FAT3: variants seen among roughly 807,000 people sequenced by gnomAD.
FAT3 encodes protocadherin Fat 3.
Under a neutral mutation model 310.2 loss-of-function variants are expected in FAT3, and 95 were observed. The ratio of observed to expected loss-of-function variants is 0.31; its 90% CI spans 0.26 to 0.36. The LOEUF (loss-of-function observed/expected upper bound fraction) is 0.36, where lower values mean the gene tolerates loss of function less well. Ranked by LOEUF, FAT3 falls within the 10% of genes least tolerant of loss-of-function variation. FAT3 has a pLI of 1.00. For synonymous variants in FAT3, 2,314 were observed against 2,192.9 expected (o/e 1.06, Z -1.54); for missense variants, 5,408 against 5,715.6 (o/e 0.95, Z 1.74).
At chr11:92,793,707 C>G (rs1163271908) in intron 9 of FAT3, among the ~76,000 whole-genome samples, 2 of 152,130 alleles carry the variant, frequency 1.3e-5, no homozygotes, top group African/African-American at 4.8e-5. Flanking sequence ...TGTTCTCCTC[C>G]CCATTCCATC....
chr11:92,504,119 A>G (rs17600259), intron 2 of FAT3, among the ~76,000 whole-genome samples: 12,575 of 152,208 alleles, frequency 0.083, 598 homozygotes, highest in African/African-American at 0.13. Flanking sequence ...TTTTCATTTT[A>G]GAGCAGCCAT....
intron 2 of FAT3, among the ~76,000 whole-genome samples, chr11:92,373,645 C>T (rs1234012140): frequency 6.6e-6 from 1 of 151,904 alleles, no homozygotes; most frequent in East Asian, 1.9e-4. Context: ...TGAACTCCTA[C>T]AGTATTCTAG....
chr11:92,821,216 CT>C (rs1947960534), intron 13 of FAT3, among the ~76,000 whole-genome samples: 1 of 152,200 alleles, frequency 6.6e-6, no homozygotes, highest in Non-Finnish European at 1.5e-5. Context: ...GACAAAGAGA[CT>C]TTCCCAAGAT....
chr11:92,496,399 T>C (rs1263560965), intron 2 of FAT3, among the ~76,000 whole-genome samples: 1 of 152,038 alleles, frequency 6.6e-6, no homozygotes, highest in African/African-American at 2.4e-5. Context: ...CCACACTTTT[T>C]ATTGCTTCTT....
intron 3 of FAT3, among the ~76,000 whole-genome samples, chr11:92,639,196 A>C (rs1398600643): frequency 6.6e-6 from 1 of 152,178 alleles, no homozygotes; most frequent in African/African-American, 2.4e-5. Context: ...GATGGATGGG[A>C]GATTAATGAG....
In FAT3 at chr11:92,377,681, C is replaced by T. The variant is rs920547784; in HGVS notation, c.3292+22277C>T. ...TTCCTTATTTCTGCCTGATTGTAGG[C>T]TCCTTGAAGGCAGGATTTATTTCTG... On this transcript the variant is annotated intron_variant, in intron 2 of 27. Transcript: ENST00000525166. Among the ~76,000 whole-genome samples the T allele has an allele frequency of 1.7e-4, 26 of 152,214 alleles. 1 individual carries two copies. The highest frequency in any genetic ancestry group is 7.7e-4 in the East Asian group (4 of 5,170).
chr11:92,549,349 T>C (rs1260429651), intron 3 of FAT3, among the ~76,000 whole-genome samples: 3 of 152,224 alleles, frequency 2.0e-5, no homozygotes, highest in Non-Finnish European at 4.4e-5. Flanking sequence ...TGTTTTCTGC[T>C]GCTTTAATCA....
chr11:92,696,014 A>G (rs1337677289), intron 3 of FAT3, among the ~76,000 whole-genome samples: 2 of 152,198 alleles, frequency 1.3e-5, no homozygotes, highest in African/African-American at 4.8e-5. Context: ...CTCACCACAA[A>G]AAAATGATAA....
intron 5 of FAT3, among the ~76,000 whole-genome samples, chr11:92,762,494 G>C (rs985078018): frequency 6.6e-6 from 1 of 152,064 alleles, no homozygotes; most frequent in African/African-American, 2.4e-5. Context: ...GCAAACTAGC[G>C]GTAGGGGAAC....
At chr11:92,333,734 AT>A (rs35671347) in intron 1 of FAT3, among the ~76,000 whole-genome samples, 22,516 of 147,976 alleles carry the variant, frequency 0.15, 1,709 homozygotes, top group Middle Eastern at 0.18. Flanking sequence ...CCTTAAAAGT[AT>A]TTTTTTTTTT....
chr11:92,714,884 C>G (rs1030728867), intron 4 of FAT3, among the ~76,000 whole-genome samples: 1 of 151,882 alleles, frequency 6.6e-6, no homozygotes, highest in Non-Finnish European at 1.5e-5. Context: ...AAGGGAAATA[C>G]CAAATTGTTC....
At chr11:92,371,978 T>A (rs562807402) in intron 2 of FAT3, among the ~76,000 whole-genome samples, 1 of 152,310 alleles carries the variant, frequency 6.6e-6, no homozygotes, top group East Asian at 1.9e-4. Flanking sequence ...GTTTTTAAGT[T>A]GGTCACAGCT....
In FAT3 at chr11:92,453,546, A is replaced by C. The variant is rs149058616; in HGVS notation, c.3293-71088A>C. Among the ~76,000 whole-genome samples, 1,084 of 152,306 alleles carry C rather than the reference A, an allele frequency of 7.1e-3. 20 individuals carry two copies. Among genetic ancestry groups the C allele is most frequent in the African/African-American group, 0.025 (1,040 of 41,570 alleles). On this transcript the variant is annotated intron_variant, in intron 2 of 27. Coordinates refer to ENST00000525166, the MANE Select transcript of FAT3 (RefSeq NM_001367949.2). ...CACGTGGGATCAAATGAGTCTAAGA[A>C]TCAATGACCACTTTATTTTTTCTTT... is the stretch of plus-strand genomic sequence containing the variant.
intron 1 of FAT3, among the ~76,000 whole-genome samples, chr11:92,240,538 T>G (rs1864631500): frequency 6.7e-6 from 1 of 150,270 alleles, no homozygotes; most frequent in Admixed American, 6.7e-5. Context: ...ATAGTAATAC[T>G]TGCAAGCACA....
intron 2 of FAT3, chr11:92,367,384 C>G (rs1949054354): frequency 6.5e-6 from 1 of 154,758 alleles, no homozygotes; most frequent in African/African-American, 2.4e-5. Context: ...CTGCTTGAGC[C>G]CAGGCATTCA....
At chr11:92,452,913 A>C (rs999782741) in intron 2 of FAT3, among the ~76,000 whole-genome samples, 1 of 152,008 alleles carries the variant, frequency 6.6e-6, no homozygotes, top group Non-Finnish European at 1.5e-5. Flanking sequence ...AGCTGGGACT[A>C]TAGGTGTGTG....
intron 1 of FAT3, among the ~76,000 whole-genome samples, chr11:92,245,350 G>A (rs907168977): frequency 3.9e-5 from 6 of 152,064 alleles, no homozygotes; most frequent in Non-Finnish European, 7.4e-5. Context: ...GGGGGGTGGC[G>A]GGCTAGGGGA....
chr11:92,562,210 A>G (rs1351738491), intron 3 of FAT3, among the ~76,000 whole-genome samples: 1 of 152,136 alleles, frequency 6.6e-6, no homozygotes, highest in African/African-American at 2.4e-5. Context: ...GTTTATATTC[A>G]TATGCAATTT....
chr11:92,321,106 C>G (rs1427195455), intron 1 of FAT3, among the ~76,000 whole-genome samples: 1 of 151,944 alleles, frequency 6.6e-6, no homozygotes, highest in Non-Finnish European at 1.5e-5. Flanking sequence ...TAAGATAACT[C>G]TTTAAAGAGA....
Sources: gnomAD v4.1 joint callset for allele counts (sites outside exome capture counted in the v4.1 genomes callset) on GRCh38, gnomAD v4.1.1 for gene constraint, MANE v1.5 for transcripts, NCBI Gene and HGNC (gene_info 2026-07-23, HGNC 2026-07-21) for gene names.